GRM7: variants seen among roughly 807,000 people sequenced by gnomAD.
The protein encoded by GRM7 is glutamate metabotropic receptor 7.
Under a neutral mutation model 84.5 loss-of-function variants are expected in GRM7, and 35 were observed. That is an observed-to-expected ratio of 0.41 (90% CI 0.32 to 0.55). The LOEUF is 0.55. Among genes scored for constraint, GRM7 ranks in the 20% least tolerant of loss-of-function variants. The probability of loss-of-function intolerance (pLI) is 0.19; values close to 1 mark genes in which losing one functional copy is unlikely to be tolerated. For missense variants in GRM7, 1,003 were observed against 1,194.6 expected (o/e 0.84, Z 2.36); for synonymous variants, 487 against 455.1 (o/e 1.07, Z -0.89).
rs71625339 is a variant in GRM7, at chr3:7,200,964, ATTTTT to A, written c.736+54315_736+54319del. On this transcript the variant is annotated intron_variant, in intron 2 of 9. Transcript: ENST00000357716. ...ACTGTCTTGGGGGAAACATTTCAGA[ATTTTT>A]TTTTTTTTTTTTTTTTTTGAGACAC... Among the ~76,000 whole-genome samples, 624 of 98,150 alleles carry A rather than the reference ATTTTT, an allele frequency of 6.4e-3. 1 individual carries two copies. Among genetic ancestry groups the A allele is most frequent in the Non-Finnish European group, 9.9e-3 (521 of 52,462 alleles). 64.4% of individuals were successfully genotyped at this position (98,150 alleles called of 152,430 possible).
intron 1 of GRM7, among the ~76,000 whole-genome samples, chr3:7,101,010 C>G (rs1335185401): frequency 6.6e-6 from 1 of 151,676 alleles, no homozygotes; most frequent in East Asian, 1.9e-4. Context: ...GTTGATGGAA[C>G]ATTTGTGTGG....
intron 4 of GRM7, among the ~76,000 whole-genome samples, chr3:7,366,424 A>G (rs1449975062): frequency 6.6e-6 from 1 of 151,812 alleles, no homozygotes; most frequent in Non-Finnish European, 1.5e-5. Flanking sequence ...TCCTCAGTCC[A>G]CCATTTTGCT....
chr3:7,145,542 G>A (rs1199761319), intron 1 of GRM7, among the ~76,000 whole-genome samples: 2 of 152,110 alleles, frequency 1.3e-5, no homozygotes, highest in Non-Finnish European at 2.9e-5. Flanking sequence ...CAAAGTAGAT[G>A]TGTTAGGACT....
At chr3:7,329,345 G>C (rs1399221176) in intron 4 of GRM7, among the ~76,000 whole-genome samples, 1 of 152,156 alleles carries the variant, frequency 6.6e-6, no homozygotes, top group Non-Finnish European at 1.5e-5. Context: ...GCCATAAATT[G>C]GTTCACCCTT....
At chr3:6,955,534 C>CAA (rs574682751) in intron 1 of GRM7, among the ~76,000 whole-genome samples, 7,599 of 141,938 alleles carry the variant, frequency 0.054, 238 homozygotes, top group African/African-American at 0.077. Context: ...CAGGCTCCAT[C>CAA]AAAAAAAAAA....
At chr3:7,287,708 G>A (rs1013730914) in intron 2 of GRM7, among the ~76,000 whole-genome samples, 2 of 151,952 alleles carry the variant, frequency 1.3e-5, no homozygotes, top group South Asian at 2.1e-4. Context: ...CATACATACC[G>A]ATAAATAGCA....
At chr3:7,468,409 C>T (rs1698549532) in intron 7 of GRM7, among the ~76,000 whole-genome samples, 1 of 152,110 alleles carries the variant, frequency 6.6e-6, no homozygotes. Context: ...CTCAGTTCTA[C>T]CATTACTAGC....
chr3:7,114,346 T>C (rs903872643), intron 1 of GRM7, among the ~76,000 whole-genome samples: 2 of 152,142 alleles, frequency 1.3e-5, no homozygotes, highest in African/African-American at 4.8e-5. Flanking sequence ...ACCTACTTTG[T>C]TAAAAATAAT....
chr3:7,640,137 A>G (rs1268805274), intron 8 of GRM7, among the ~76,000 whole-genome samples: 1 of 152,080 alleles, frequency 6.6e-6, no homozygotes, highest in African/African-American at 2.4e-5. Context: ...ATCCGCCACA[A>G]TGCCCTACAC....
Position 7,075,771 on chromosome 3 carries a change from C to T in GRM7, c.520-70681C>T, listed in dbSNP as rs191589949. ...GAACTCCTGACCTCAGGTGATCTGC[C>T]CGCCTCAGCCTGCCAAAGTGCTGGG... On this transcript the variant is annotated intron_variant, in intron 1 of 9. Transcript: ENST00000357716. Among the ~76,000 whole-genome samples, 246 of 152,206 alleles carry T rather than the reference C, an allele frequency of 1.6e-3. 2 individuals carry two copies. The highest frequency in any genetic ancestry group is 5.4e-3 in the African/African-American group (226 of 41,538).
At chr3:6,884,473 A>G (rs185881693) in intron 1 of GRM7, among the ~76,000 whole-genome samples, 10 of 152,326 alleles carry the variant, frequency 6.6e-5, no homozygotes, top group Non-Finnish European at 1.0e-4. Flanking sequence ...ATTTGATTAG[A>G]CACAATCTTT....
intron 1 of GRM7, among the ~76,000 whole-genome samples, chr3:6,945,894 A>G (rs1267890266): frequency 6.6e-6 from 1 of 151,778 alleles, no homozygotes; most frequent in African/African-American, 2.4e-5. Context: ...TCCTTCACCC[A>G]CTTTTTGGTG....
At chr3:7,509,631 A>G (rs901372027) in intron 7 of GRM7, among the ~76,000 whole-genome samples, 1 of 152,238 alleles carries the variant, frequency 6.6e-6, no homozygotes, top group African/African-American at 2.4e-5. Flanking sequence ...CATTCACCCA[A>G]GTGAGTCAAG....
chr3:7,089,803 T>G (rs894125821), intron 1 of GRM7, among the ~76,000 whole-genome samples: 1 of 152,168 alleles, frequency 6.6e-6, no homozygotes, highest in African/African-American at 2.4e-5. Context: ...TAGCCCTGAC[T>G]AGAGTAATGC....
At chr3:7,285,764 G>C (rs1290831348) in intron 2 of GRM7, among the ~76,000 whole-genome samples, 1 of 152,054 alleles carries the variant, frequency 6.6e-6, no homozygotes, top group Admixed American at 6.6e-5. Context: ...CTTGATCTGA[G>C]AGGAAAAGAA....
chr3:7,680,329 C>G, intron 9 of GRM7, 34 bp downstream of exon 9: 1 of 1,608,472 alleles, frequency 6.2e-7, no homozygotes, highest in Non-Finnish European at 8.5e-7. Context: ...ATCTTCCCAC[C>G]CTGCATCAGG....
At chr3:7,591,250 A>G (rs1188411578) in intron 8 of GRM7, among the ~76,000 whole-genome samples, 1 of 152,204 alleles carries the variant, frequency 6.6e-6, no homozygotes, top group Admixed American at 6.5e-5. Context: ...AAGACTTTCT[A>G]AAGTGAAGGA....
chr3:7,109,610 TC>T (rs1315018631), intron 1 of GRM7, among the ~76,000 whole-genome samples: 2 of 152,154 alleles, frequency 1.3e-5, no homozygotes, highest in Non-Finnish European at 2.9e-5. Context: ...TCTAGCATTT[TC>T]CTCCATTGTT....
chr3:6,936,860 C>T (rs802646), intron 1 of GRM7, among the ~76,000 whole-genome samples: 108,543 of 152,072 alleles, frequency 0.71, 39,987 homozygotes, highest in African/African-American at 0.92. Context: ...ATATATACTG[C>T]TTTCAAATTG....
Sources: gnomAD v4.1 joint callset for allele counts (sites outside exome capture counted in the v4.1 genomes callset) on GRCh38, gnomAD v4.1.1 for gene constraint, MANE v1.5 for transcripts, NCBI Gene and HGNC (gene_info 2026-07-23, HGNC 2026-07-21) for gene names.